Variants in SYN3 observed in about 807,000 individuals in gnomAD.
SYN3 encodes synapsin-3.
Under a neutral mutation model 65.8 loss-of-function variants are expected in SYN3, and 35 were observed. The ratio of observed to expected loss-of-function variants is 0.53; its 90% CI spans 0.41 to 0.70. SYN3 has a LOEUF of 0.70. Among genes scored for constraint, SYN3 ranks in the 30% least tolerant of loss-of-function variants. The probability of loss-of-function intolerance (pLI) is 0.00; values close to 1 mark genes in which losing one functional copy is unlikely to be tolerated. For synonymous variants in SYN3, 270 were observed against 292.9 expected, an observed-to-expected ratio of 0.92 and a Z score of 0.80; for missense variants, 680 against 749.0, an observed-to-expected ratio of 0.91 and a Z score of 1.08.
chr22:32,597,045 T>A (rs1364753826), intron 6 of SYN3, among the ~76,000 whole-genome samples: 1 of 152,098 alleles, frequency 6.6e-6, no homozygotes, highest in Non-Finnish European at 1.5e-5. Flanking sequence ...TTCAGGCAAG[T>A]TATTGCATTG....
At chr22:32,744,072 C>T (rs956141909) in intron 6 of SYN3, among the ~76,000 whole-genome samples, 3 of 152,196 alleles carry the variant, frequency 2.0e-5, no homozygotes, top group Non-Finnish European at 2.9e-5. Context: ...CTTGCTCTCA[C>T]TCCCCCTTCT....
intron 7 of SYN3, 36 bp from the exon 8 acceptor site, chr22:32,541,749 C>G (rs2058259349): frequency 6.2e-7 from 1 of 1,603,310 alleles, no homozygotes; most frequent in East Asian, 2.2e-5. Flanking sequence ...GTGCCACCCA[C>G]CCCGTGTTCA....
intron 13 of SYN3, among the ~76,000 whole-genome samples, chr22:32,515,563 T>C (rs2057756745): frequency 6.6e-6 from 1 of 152,240 alleles, no homozygotes; most frequent in African/African-American, 2.4e-5. Context: ...TGCTAGTGTC[T>C]GTCAAACTAA....
At chr22:33,028,581 G>GA (rs2053678935) in intron 1 of SYN3, among the ~76,000 whole-genome samples, 1 of 150,246 alleles carries the variant, frequency 6.7e-6, no homozygotes, top group Admixed American at 6.7e-5. Context: ...CTGGGCAGAG[G>GA]AAGGGATTAA....
chr22:32,747,917 C>T (rs1174219320), intron 6 of SYN3, among the ~76,000 whole-genome samples: 1 of 152,198 alleles, frequency 6.6e-6, no homozygotes, highest in Non-Finnish European at 1.5e-5. Context: ...AAAGCTGGAG[C>T]AGCATAAAAC....
chr22:32,869,316 A>C (rs1204928451), intron 4 of SYN3, among the ~76,000 whole-genome samples, 191 bp from the exon 5 acceptor site: 1 of 111,246 alleles, frequency 9.0e-6, no homozygotes, highest in African/African-American at 3.3e-5. Flanking sequence ...AAAGGGCTGG[A>C]AACACTATAT....
chr22:32,610,933 T>G (rs2059433877), intron 6 of SYN3, among the ~76,000 whole-genome samples: 3 of 152,234 alleles, frequency 2.0e-5, no homozygotes, highest in Non-Finnish European at 4.4e-5. Context: ...TGCTTCATTC[T>G]TTTTATTGCC....
rs571518510 is a variant in SYN3 at position 32,689,532 on chromosome 22, G to A, written c.712-92796C>T. The stretch of plus-strand genomic sequence containing the variant: ...TCTGGCCCTGAGTTTGCTCCAGGGC[G>A]TCTCCTGGGGAGGCACAAATAGGAA... On this transcript the variant is annotated intron_variant, in intron 6 of 13. Transcript: ENST00000358763. Among the ~76,000 whole-genome samples, 7 of 152,184 alleles carry A rather than the reference G, an allele frequency of 4.6e-5. 1 individual carries two copies. The highest frequency in any genetic ancestry group is 1.0e-4 in the Non-Finnish European group (7 of 68,030).
intron 1 of SYN3, among the ~76,000 whole-genome samples, chr22:33,009,471 T>A (rs1043883047): frequency 2.0e-5 from 3 of 152,226 alleles, no homozygotes; most frequent in African/African-American, 7.2e-5. Flanking sequence ...GTTGTTTATC[T>A]TTTTATTTTT....
intron 6 of SYN3, among the ~76,000 whole-genome samples, chr22:32,672,862 G>A (rs1447290191): frequency 3.9e-5 from 6 of 152,224 alleles, no homozygotes; most frequent in South Asian, 4.1e-4. Flanking sequence ...CAGAAGTGGC[G>A]AGAGAAAGAG....
intron 1 of SYN3, among the ~76,000 whole-genome samples, chr22:33,027,664 GA>G (rs1004272304): frequency 4.6e-5 from 7 of 151,204 alleles, no homozygotes; most frequent in East Asian, 1.9e-4. Context: ...AGAAAAGAAA[GA>G]AAAAGAAAGA....
At chr22:32,604,241 C>T (rs1208296798) in intron 6 of SYN3, among the ~76,000 whole-genome samples, 2 of 152,216 alleles carry the variant, frequency 1.3e-5, no homozygotes, top group African/African-American at 4.8e-5. Context: ...AGGAAGAAAT[C>T]AAGGACTGAA....
intron 6 of SYN3, among the ~76,000 whole-genome samples, chr22:32,808,922 G>A (rs1245171460): frequency 6.6e-6 from 1 of 152,170 alleles, no homozygotes; most frequent in Non-Finnish European, 1.5e-5. Flanking sequence ...ACCCACTTTA[G>A]AGGGTAAGCA....
chr22:32,527,975 C>A lies in SYN3; in HGVS notation c.1261G>T (p.Gly421Trp). 1 of 1,589,202 alleles carries A rather than the reference C, an allele frequency of 6.3e-7. No individual in the cohort carries two copies. The highest frequency in any genetic ancestry group is 8.6e-7 in the Non-Finnish European group (1 of 1,166,678). ...APQIKSAKSP[G>W]QAQLGPQLGQ... ...AGCTGAGGCCCCAGCTGGGCTTGCC[C>A]TGGGGATTTCGCTGATTTAATCTGT... is the stretch of plus-strand genomic sequence containing the variant. Residue 421 changes from glycine (G) to tryptophan (W), a missense_variant, in exon 12 of 14, where the codon GGG becomes TGG. Transcript: ENST00000358763.
chr22:33,053,268 C>T (rs1333214370), intron 1 of SYN3, among the ~76,000 whole-genome samples: 3 of 152,070 alleles, frequency 2.0e-5, no homozygotes, highest in Non-Finnish European at 2.9e-5. Flanking sequence ...ACTAAAAATA[C>T]AAAAATTAGC....
chr22:32,744,073 T>TC, intron 6 of SYN3, among the ~76,000 whole-genome samples: 1 of 152,012 alleles, frequency 6.6e-6, no homozygotes, highest in Non-Finnish European at 1.5e-5. Flanking sequence ...TTGCTCTCAC[T>TC]CCCCCTTCTC....
intron 6 of SYN3, 97 bp downstream of exon 6, chr22:32,864,818 C>T: frequency 8.7e-7 from 1 of 1,142,868 alleles, no homozygotes; most frequent in Non-Finnish European, 1.3e-6. Context: ...AGTGTACAAC[C>T]CCTAGAGTCC....
At chr22:32,881,284 G>A (rs1006764282) in intron 4 of SYN3, among the ~76,000 whole-genome samples, 1 of 152,124 alleles carries the variant, frequency 6.6e-6, no homozygotes, top group Non-Finnish European at 1.5e-5. Flanking sequence ...TGGTACTGCC[G>A]AGGGGTGATG....
intron 6 of SYN3, among the ~76,000 whole-genome samples, chr22:32,798,832 C>A (rs1331824830): frequency 4.0e-5 from 6 of 151,870 alleles, no homozygotes; most frequent in African/African-American, 7.3e-5. Flanking sequence ...ACTGGGACTA[C>A]AGGCGCCCAC....
Sources: allele counts gnomAD v4.1 joint callset (sites outside exome capture counted in the v4.1 genomes callset), GRCh38; gene constraint gnomAD v4.1.1; transcripts MANE v1.5; gene names NCBI Gene and HGNC (gene_info 2026-07-23, HGNC 2026-07-21).